The following KCNQ3 variants were observed in gnomAD, a reference collection of about 807,000 sequenced individuals.
The protein encoded by KCNQ3 is potassium voltage-gated channel subfamily Q member 3.
Under a neutral mutation model 92.5 loss-of-function variants are expected in KCNQ3, and 30 were observed. The observed-to-expected ratio is 0.32, with a 90% CI of 0.24 to 0.44. The LOEUF is 0.44. KCNQ3 is among the 20% of genes least tolerant of loss of function. KCNQ3 has a pLI of 1.00. For missense variants in KCNQ3, 913 were observed against 1,140.3 expected (o/e 0.80, Z 2.87); for synonymous variants, 450 against 468.8 (o/e 0.96, Z 0.52).
At chr8:132,467,050 G>C (rs905915901) in intron 1 of KCNQ3, among the ~76,000 whole-genome samples, 1 of 152,142 alleles carries the variant, frequency 6.6e-6, no homozygotes, top group African/African-American at 2.4e-5. Context: ...CCAGTCCTCC[G>C]TTGCTTCACT....
chr8:132,171,653 G>C (rs1478943668), intron 7 of KCNQ3, among the ~76,000 whole-genome samples: 1 of 152,188 alleles, frequency 6.6e-6, no homozygotes, highest in Non-Finnish European at 1.5e-5. Context: ...GCACATGTAA[G>C]GCATCTCTTT....
intron 1 of KCNQ3, among the ~76,000 whole-genome samples, chr8:132,425,169 T>C (rs1323884541): frequency 6.6e-6 from 1 of 152,198 alleles, no homozygotes. Context: ...TGCCCCCAAC[T>C]GGACGCCAAT....
intron 10 of KCNQ3, 133 bp downstream of exon 10, chr8:132,140,996 T>C (rs1313183969): frequency 3.7e-6 from 3 of 805,732 alleles, no homozygotes; most frequent in Non-Finnish European, 6.4e-6. Context: ...AGAAGTTGGC[T>C]TGTCGAGGGA....
intron 1 of KCNQ3, among the ~76,000 whole-genome samples, chr8:132,271,096 C>A (rs143079941): frequency 6.6e-6 from 1 of 152,234 alleles, no homozygotes; most frequent in Non-Finnish European, 1.5e-5. Flanking sequence ...ACTGCAGATA[C>A]AGAAAAGACA....
intron 1 of KCNQ3, among the ~76,000 whole-genome samples, chr8:132,293,066 G>T (rs2130560130): frequency 6.6e-6 from 1 of 152,338 alleles, no homozygotes; most frequent in East Asian, 1.9e-4. Flanking sequence ...AGCTGATCAT[G>T]TGAAGATTTC....
Position 132,172,661 on chromosome 8 carries a change from C to G in KCNQ3, c.1077G>C (p.Val359=), listed in dbSNP as rs750375617. Residue 359 remains valine, a synonymous_variant, in exon 7 of 15, where the codon GTG becomes GTC. Transcript: ENST00000388996. ...AGTGCTTCTGACGGTGTTGCTCCTG[C>G]ACCTTGAGGGCCAGCCCGGACCCCA... ...GILGSGLALK[V]QEQHRQKHFE... The G allele has an allele frequency of 6.2e-7, 1 of 1,613,954 alleles. No homozygotes were observed. The highest frequency in any genetic ancestry group is 8.5e-7 in the Non-Finnish European group (1 of 1,180,036).
chr8:132,391,384 GCTT>G (rs1820043408), intron 1 of KCNQ3, among the ~76,000 whole-genome samples: 1 of 152,030 alleles, frequency 6.6e-6, no homozygotes, highest in Non-Finnish European at 1.5e-5. Context: ...CAGCTGTCTC[GCTT>G]CTTCAAGATG....
At chr8:132,451,203 G>GCT (rs1312857704) in intron 1 of KCNQ3, among the ~76,000 whole-genome samples, 1 of 152,194 alleles carries the variant, frequency 6.6e-6, no homozygotes, top group African/African-American at 2.4e-5. Context: ...CCCTGCACAT[G>GCT]CTGTCTTGCC....
chr8:132,339,235 A>G (rs1818450854), intron 1 of KCNQ3, among the ~76,000 whole-genome samples: 2 of 152,168 alleles, frequency 1.3e-5, no homozygotes, highest in Admixed American at 1.3e-4. Flanking sequence ...ATAAGAAGCA[A>G]TGAGTTTTGT....
chr8:132,260,570 G>T (rs1457777), intron 1 of KCNQ3, among the ~76,000 whole-genome samples: 66,388 of 152,006 alleles, frequency 0.44, 16,820 homozygotes, highest in East Asian at 0.68. Context: ...GTGTCTGGTA[G>T]ATGGTGAAGG....
intron 1 of KCNQ3, among the ~76,000 whole-genome samples, chr8:132,231,476 T>C (rs763829231): frequency 2.0e-5 from 3 of 152,178 alleles, no homozygotes; most frequent in Non-Finnish European, 4.4e-5. Context: ...GGGGCAGTTA[T>C]TAGGGTTAAA....
At chr8:132,305,889 G>GTTTGTTTTTGTTTGT (rs1563851053) in intron 1 of KCNQ3, among the ~76,000 whole-genome samples, 1 of 150,244 alleles carries the variant, frequency 6.7e-6, no homozygotes, top group African/African-American at 2.5e-5. Flanking sequence ...GTTTGTTTTT[G>GTTTGTTTTTGTTTGT]TTTGTTTTGT....
intron 1 of KCNQ3, among the ~76,000 whole-genome samples, chr8:132,312,748 C>T (rs1347670952): frequency 6.6e-6 from 1 of 152,160 alleles, no homozygotes; most frequent in Non-Finnish European, 1.5e-5. Context: ...CACACTCTCG[C>T]TCTCCCTCAC....
At chr8:132,272,782 T>C (rs993243914) in intron 1 of KCNQ3, among the ~76,000 whole-genome samples, 1 of 152,152 alleles carries the variant, frequency 6.6e-6, no homozygotes, top group African/African-American at 2.4e-5. Flanking sequence ...GTGGGAATTG[T>C]GGGAGTTAAA....
In KCNQ3 at chr8:132,348,020, G is replaced by A. The variant is rs181037707; in HGVS notation, c.386+132127C>T. ...AAAAAAAGGAAAACCCACTATTCCA[G>A]ATAAGGGGAGCAGACCTTGAGGATG... On this transcript the variant is annotated intron_variant, in intron 1 of 14. Coordinates refer to ENST00000388996, the MANE Select transcript of KCNQ3 (RefSeq NM_004519.4). Among the ~76,000 whole-genome samples, 15 of 147,262 alleles carry A rather than the reference G, an allele frequency of 1.0e-4. No individual in the cohort carries two copies. In the East Asian group the frequency reaches 2.6e-3, roughly 26 times the overall value.
chr8:132,129,316 GGAC>G lies in KCNQ3; in HGVS notation c.2562_2564del (p.Ser855del). On this transcript the variant is annotated inframe_deletion, in exon 15 of 15. Coordinates refer to ENST00000388996, the MANE Select transcript of KCNQ3 (RefSeq NM_004519.4). The surrounding 1 kb of genome is among the most constrained non-coding windows in gnomAD (Gnocchi z 5.9). ...CTGAATCAGAAATCCCATCCCCTGT[GGAC>G]GACAGAGGCATGGAGCCGCTGGGCG... 6.2e-7 allele frequency: 1 copy of G among 1,614,084 alleles called. No homozygotes were observed.
intron 1 of KCNQ3, among the ~76,000 whole-genome samples, chr8:132,247,341 G>T (rs909593126): frequency 6.6e-6 from 1 of 152,132 alleles, no homozygotes; most frequent in Non-Finnish European, 1.5e-5. Context: ...GTTCAAAGAG[G>T]CAGAGTGACT....
chr8:132,251,396 A>G (rs772667048), intron 1 of KCNQ3, among the ~76,000 whole-genome samples: 3 of 152,218 alleles, frequency 2.0e-5, no homozygotes, highest in Non-Finnish European at 4.4e-5. Flanking sequence ...TGTGAGGATG[A>G]CCCCGTTGAA....
intron 7 of KCNQ3, 106 bp from the exon 8 acceptor site, chr8:132,170,534 T>C: frequency 1.3e-6 from 1 of 766,588 alleles, no homozygotes; most frequent in South Asian, 1.5e-5. Flanking sequence ...TCCTAAGAAT[T>C]TGAATGTGCA....
Sources: gnomAD v4.1 joint callset for allele counts (sites outside exome capture counted in the v4.1 genomes callset) on GRCh38, gnomAD v4.1.1 for gene constraint, Gnocchi (gnomAD v3.1) non-coding constraint, MANE v1.5 for transcripts, NCBI Gene and HGNC (gene_info 2026-07-23, HGNC 2026-07-21) for gene names.